Variants in IDH3A observed in about 807,000 individuals in gnomAD.
IDH3A encodes the protein isocitrate dehydrogenase (NAD(+)) 3 catalytic subunit alpha.
In IDH3A, 23 loss-of-function variants were observed where a neutral mutation model predicts 43.3. The ratio of observed to expected loss-of-function variants is 0.53; its 90% CI spans 0.38 to 0.75. The LOEUF (loss-of-function observed/expected upper bound fraction) is 0.75. IDH3A is among the 30% of genes least tolerant of loss of function. The pLI is 0.00. For missense variants in IDH3A, 329 were observed against 474.4 expected, an observed-to-expected ratio of 0.69 and a Z score of 2.85; for synonymous variants, 154 against 163.5, an observed-to-expected ratio of 0.94 and a Z score of 0.44.
intron 1 of IDH3A, among the ~76,000 whole-genome samples, chr15:78,150,023 G>A (rs986121288): frequency 6.6e-6 from 1 of 152,234 alleles, no homozygotes; most frequent in Non-Finnish European, 1.5e-5. Flanking sequence ...TAGTGCTCTT[G>A]TAGCTATTTC....
intron 3 of IDH3A, 200 bp from the exon 4 acceptor site, chr15:78,159,880 AGCTACTCAGGAG>A (rs2074663295): frequency 2.1e-6 from 1 of 470,892 alleles, no homozygotes; most frequent in Admixed American, 3.3e-5. Context: ...CTGTAATCCC[AGCTACTCAGGAG>A]GCTGAGGCAT....
chr15:78,166,391 G>A, intron 10 of IDH3A, 89 bp downstream of exon 10: 4 of 1,336,996 alleles, frequency 3.0e-6, no homozygotes, highest in Non-Finnish European at 4.3e-6. Context: ...ACAGATAATA[G>A]TTCTCAGGCG....
chr15:78,165,287 G>A (rs2074727337), intron 9 of IDH3A, among the ~76,000 whole-genome samples: 2 of 151,974 alleles, frequency 1.3e-5, no homozygotes, highest in African/African-American at 2.4e-5. Flanking sequence ...TGCCTCCCAG[G>A]TTCAAGTGAT....
Position 78,166,310 on chromosome 15 carries a change from G to A in IDH3A, c.1017+8G>A. ...ACAATTAAGGACGGAAAGGTAACAG[G>A]AATCTTGATTTACTTGTGCTGGGTA... On this transcript the variant is annotated splice_region_variant and intron_variant, in intron 10 of 10. Coordinates refer to ENST00000299518, the MANE Select transcript of IDH3A (RefSeq NM_005530.3). The A allele has an allele frequency of 6.2e-7, 1 of 1,613,850 alleles. No individual in the cohort carries two copies.
chr15:78,149,572 C>A, intron 1 of IDH3A, 142 bp downstream of exon 1: 1 of 661,014 alleles, frequency 1.5e-6, no homozygotes, highest in South Asian at 2.4e-5. Flanking sequence ...GGGAGCCGGT[C>A]CTGGTCGCCC....
intron 4 of IDH3A, among the ~76,000 whole-genome samples, chr15:78,160,409 T>C (rs935269154): frequency 3.3e-5 from 5 of 152,264 alleles, no homozygotes; most frequent in Non-Finnish European, 7.3e-5. Context: ...AAAGTATTAC[T>C]GGATGATGCC....
At position 78,149,385 on chromosome 15, in the gene IDH3A, G is replaced by C. The variant is rs1480336443; in HGVS notation, c.-19G>C. On this transcript the variant is annotated 5_prime_UTR_variant, in exon 1 of 11. Transcript: ENST00000299518. ...GCACTGCCGCTGCGGCTGTTGCTGCGGAGCCAGGAGGGGAAGCGATGGCTG... is the reference window on the plus strand; with the variant it reads ...GCACTGCCGCTGCGGCTGTTGCTGCCGAGCCAGGAGGGGAAGCGATGGCTG... 6.5e-6 allele frequency: 10 copies of C among 1,538,258 alleles called. No individual in the cohort carries two copies. Among genetic ancestry groups the C allele is most frequent in the Non-Finnish European group, 8.7e-6 (10 of 1,149,704 alleles).
At chr15:78,158,463 A>ATATATATATATAT (rs1212083496) in intron 3 of IDH3A, among the ~76,000 whole-genome samples, 1 of 67,378 alleles carries the variant, frequency 1.5e-5, no homozygotes, top group African/African-American at 5.5e-5. Context: ...ATATATATAT[A>ATATATATATATAT]TTTTTTTTTT....
intron 2 of IDH3A, 57 bp from the exon 3 acceptor site, chr15:78,157,486 CTTTTT>C (rs1194783386): frequency 2.7e-6 from 3 of 1,127,450 alleles, no homozygotes; most frequent in East Asian, 2.4e-5. Flanking sequence ...TCAAAATATT[CTTTTT>C]TAAGCCTTCA....
chr15:78,154,547 TG>T (rs1391415160), intron 1 of IDH3A: 1 of 152,244 alleles, frequency 6.6e-6, no homozygotes, highest in Admixed American at 6.5e-5. Flanking sequence ...TGCTTTTCTT[TG>T]GGACCAGCAT....
At chr15:78,159,418 G>A (rs552052047) in intron 3 of IDH3A, among the ~76,000 whole-genome samples, 11 of 151,872 alleles carry the variant, frequency 7.2e-5, no homozygotes, top group African/African-American at 2.4e-4. Context: ...GGTCTTTTAT[G>A]ATTGGCTTCT....
intron 8 of IDH3A, 43 bp from the exon 9 acceptor site, chr15:78,164,949 T>G (rs779809491): frequency 2.6e-6 from 4 of 1,511,564 alleles, no homozygotes; most frequent in Non-Finnish European, 3.7e-6. Flanking sequence ...GGTGAGATGT[T>G]TTATTTTTAA....
chr15:78,157,253 A>G (rs2074630368), intron 2 of IDH3A: 4 of 878,242 alleles, frequency 4.6e-6, no homozygotes, highest in Non-Finnish European at 5.9e-6. Context: ...CTGAAAAGAA[A>G]TATCAATTAG....
At chr15:78,164,598 C>T (rs2074719384) in intron 8 of IDH3A, among the ~76,000 whole-genome samples, 1 of 152,180 alleles carries the variant, frequency 6.6e-6, no homozygotes, top group East Asian at 1.9e-4. Context: ...GTGATCTGCC[C>T]ACCTTGGCCT....
intron 2 of IDH3A, chr15:78,157,260 T>G: frequency 1.2e-6 from 1 of 832,968 alleles, no homozygotes; most frequent in Non-Finnish European, 1.6e-6. Context: ...GAAATATCAA[T>G]TAGGAAATCT....
chr15:78,153,495 A>G (rs2074596675), intron 1 of IDH3A, among the ~76,000 whole-genome samples: 1 of 152,190 alleles, frequency 6.6e-6, no homozygotes, highest in Admixed American at 6.5e-5. Context: ...CATTTTGGCC[A>G]ATGGTTTTGG....
rs763478505 is a variant in IDH3A, at chr15:78,161,359, A to G, written c.290-222A>G. On this transcript the variant is annotated intron_variant, in intron 4 of 10. Transcript: ENST00000299518. This position sits in a 1 kb window ranked among gnomAD's most constrained non-coding sequence, Gnocchi z 4.8. ...TGATAAGGATTATATCATGTCAAGC[A>G]CATGATTACAATGCTTGATCCTCAG... is the stretch of plus-strand genomic sequence containing the variant. 2.0e-4 allele frequency among the ~76,000 whole-genome samples: 30 copies of G among 152,256 alleles called. No individual in the cohort carries two copies. The highest frequency in any genetic ancestry group is 3.4e-4 in the Non-Finnish European group (23 of 68,046).
chr15:78,149,426 C>T lies in IDH3A; in HGVS notation c.23C>T (p.Ser8Phe). Reference protein sequence around the residue: MAGPAWISKVSRLLGAFH... With the variant: MAGPAWIFKVSRLLGAFH... ...GCGATGGCTGGGCCCGCGTGGATCT[C>T]TAAGGTGAGCGCTGGCAGGCCGGCG... Residue 8 changes from serine (S) to phenylalanine (F), a missense_variant, in exon 1 of 11, where the codon TCT (serine) becomes TTT (phenylalanine). Coordinates refer to ENST00000299518, the MANE Select transcript of IDH3A (RefSeq NM_005530.3). The T allele has an allele frequency of 6.4e-7, 1 of 1,552,624 alleles. No homozygotes were observed. Among genetic ancestry groups the T allele is most frequent in the Non-Finnish European group, 8.6e-7 (1 of 1,156,516 alleles).
In IDH3A at chr15:78,170,625, C is replaced by T. The variant is rs74024181; in HGVS notation, c.*1620C>T. The T allele has an allele frequency of 0.069, 10,435 of 152,292 alleles. 449 individuals carry two copies. The highest frequency in any genetic ancestry group is 0.12 in the African/African-American group (5,176 of 41,490). 9.4% of individuals were successfully genotyped at this position (152,292 alleles called of 1,614,324 possible). ...CTTGCTACTGAGAATGGCTGCTTCC[C>T]GTATTCAGAATGGAAGTGGGGTGGT... On this transcript the variant is annotated 3_prime_UTR_variant, in exon 11 of 11. Transcript: ENST00000299518.
Sources: allele counts gnomAD v4.1 joint callset (sites outside exome capture counted in the v4.1 genomes callset), GRCh38; gene constraint gnomAD v4.1.1; non-coding constraint Gnocchi (gnomAD v3.1); transcripts MANE v1.5; gene names NCBI Gene and HGNC (gene_info 2026-07-23, HGNC 2026-07-21).